The following NALCN variants were observed in gnomAD, a reference collection of about 807,000 sequenced individuals.
NALCN encodes sodium leak channel NALCN.
NALCN carries 111 observed loss-of-function variants against 225.3 expected under a neutral mutation model. The ratio of observed to expected loss-of-function variants is 0.49; its 90% CI spans 0.42 to 0.58. NALCN has a LOEUF of 0.58. Among genes scored for constraint, NALCN ranks in the 20% least tolerant of loss-of-function variants. NALCN has a pLI of 0.00. For missense variants in NALCN, 1,378 were observed against 2,202.4 expected (o/e 0.63, Z 7.49); for synonymous variants, 764 against 769.0 (o/e 0.99, Z 0.11).
chr13:101,254,013 A>G (rs932198556), intron 11 of NALCN, among the ~76,000 whole-genome samples: 2 of 152,216 alleles, frequency 1.3e-5, no homozygotes, highest in Non-Finnish European at 2.9e-5. Flanking sequence ...TAAGTTTCTG[A>G]TACAAAGAGA....
intron 17 of NALCN, among the ~76,000 whole-genome samples, chr13:101,140,538 C>A (rs2037024253): frequency 6.6e-6 from 1 of 152,172 alleles, no homozygotes; most frequent in Admixed American, 6.5e-5. Flanking sequence ...TAAGTGGTCA[C>A]AAGGACAGCC....
intron 15 of NALCN, among the ~76,000 whole-genome samples, chr13:101,170,082 C>A (rs2038642234): frequency 7.1e-6 from 1 of 141,576 alleles, no homozygotes; most frequent in South Asian, 2.3e-4. Context: ...AATGGACATG[C>A]AAATGAGAGC....
intron 6 of NALCN, among the ~76,000 whole-genome samples, chr13:101,371,174 A>T (rs1418206836): frequency 1.3e-5 from 2 of 152,190 alleles, no homozygotes; most frequent in Admixed American, 6.5e-5. Context: ...TTGGGTTGTC[A>T]CCAGTTTGGA....
intron 7 of NALCN, among the ~76,000 whole-genome samples, chr13:101,343,099 T>C (rs1228572821): frequency 6.6e-6 from 1 of 152,198 alleles, no homozygotes; most frequent in African/African-American, 2.4e-5. Context: ...GATGATCACA[T>C]GTGTCTAATA....
intron 6 of NALCN, among the ~76,000 whole-genome samples, chr13:101,357,042 T>A (rs1260368969): frequency 6.6e-6 from 1 of 152,124 alleles, no homozygotes; most frequent in East Asian, 1.9e-4. Context: ...TATCTCAAAA[T>A]AATAAGTGCT....
At chr13:101,156,394 G>C (rs1388646318) in intron 15 of NALCN, among the ~76,000 whole-genome samples, 1 of 152,006 alleles carries the variant, frequency 6.6e-6, no homozygotes, top group Non-Finnish European at 1.5e-5. Context: ...TTACTTCTAG[G>C]CTCCCTCAGC....
At chr13:101,377,889 G>A (rs954451751) in intron 4 of NALCN, among the ~76,000 whole-genome samples, 4 of 152,082 alleles carry the variant, frequency 2.6e-5, no homozygotes, top group Non-Finnish European at 5.9e-5. Context: ...GCAAAATCAT[G>A]TCTGAATGAA....
Position 101,081,530 on chromosome 13 carries a change from G to A in NALCN, c.3882C>T (p.Leu1294=). Residue 1294 remains leucine, a synonymous_variant, in exon 34 of 44, where the codon CTC becomes CTT. Transcript: ENST00000251127. ...TCAACTTGACTTCTATGCTTACCAG[G>A]AGGGCAAAGTGAAGCACCACCCATA... ...GVVWVVLHFA[L]LNAYTYMMGA... is the part of the protein sequence containing the mutation. 1.2e-6 allele frequency: 2 copies of A among 1,614,046 alleles called. No homozygotes were observed. The highest frequency in any genetic ancestry group is 1.7e-6 in the Non-Finnish European group (2 of 1,179,996).
intron 18 of NALCN, among the ~76,000 whole-genome samples, chr13:101,114,407 C>CTCTA (rs1399221922): frequency 4.6e-5 from 7 of 151,464 alleles, no homozygotes; most frequent in African/African-American, 1.7e-4. Context: ...TGTTATAACA[C>CTCTA]TCTACATAGC....
chr13:101,244,869 TG>T (rs2041847556), intron 11 of NALCN, among the ~76,000 whole-genome samples: 1 of 152,192 alleles, frequency 6.6e-6, no homozygotes, highest in African/African-American at 2.4e-5. Flanking sequence ...CTTCTCAATG[TG>T]CAGCTCCAGA....
intron 11 of NALCN, among the ~76,000 whole-genome samples, chr13:101,250,621 C>G (rs182031069): frequency 1.3e-5 from 2 of 151,964 alleles, no homozygotes; most frequent in Admixed American, 1.3e-4. Context: ...ATTGAAAAAG[C>G]ACAACTTGAA....
chr13:101,211,380 G>C (rs1257237315), intron 13 of NALCN, among the ~76,000 whole-genome samples: 1 of 151,996 alleles, frequency 6.6e-6, no homozygotes, highest in African/African-American at 2.4e-5. Flanking sequence ...TTTATTCAAG[G>C]AAAGTCATAA....
chr13:101,240,615 T>C (rs957207367), intron 11 of NALCN, among the ~76,000 whole-genome samples: 5 of 152,140 alleles, frequency 3.3e-5, no homozygotes, highest in East Asian at 3.8e-4. Context: ...GGTACAGTTA[T>C]ATAATGGTTG....
At chr13:101,291,382 T>C (rs1476853445) in intron 9 of NALCN, among the ~76,000 whole-genome samples, 1 of 152,162 alleles carries the variant, frequency 6.6e-6, no homozygotes, top group Admixed American at 6.5e-5. Context: ...ATTTGAGGAT[T>C]TGTGATGTCA....
chr13:101,146,397 A>T (rs1042772488), intron 15 of NALCN, among the ~76,000 whole-genome samples: 1 of 152,190 alleles, frequency 6.6e-6, no homozygotes, highest in Non-Finnish European at 1.5e-5. Context: ...CATGGTTATG[A>T]TGATGACAAT....
chr13:101,174,413 C>T (rs1477066848), intron 15 of NALCN, among the ~76,000 whole-genome samples: 1 of 152,114 alleles, frequency 6.6e-6, no homozygotes, highest in Non-Finnish European at 1.5e-5. Flanking sequence ...ATGACATTTA[C>T]CCAAAGTGAA....
At chr13:101,327,255 AT>A (rs2044990537) in intron 7 of NALCN, among the ~76,000 whole-genome samples, 1 of 152,162 alleles carries the variant, frequency 6.6e-6, no homozygotes, top group Non-Finnish European at 1.5e-5. Flanking sequence ...TGTTTATTGT[AT>A]TTTAACAAAT....
At chr13:101,414,673 T>A (rs9518391) in intron 1 of NALCN, among the ~76,000 whole-genome samples, 96,240 of 152,080 alleles carry the variant, frequency 0.63, 31,030 homozygotes, top group African/African-American at 0.68. Context: ...AGACTTTTTT[T>A]AAGTACATTT....
At chr13:101,262,310 C>T (rs535928972) in intron 10 of NALCN, among the ~76,000 whole-genome samples, 1 of 152,284 alleles carries the variant, frequency 6.6e-6, no homozygotes, top group South Asian at 2.1e-4. Flanking sequence ...TTCAGAGAGA[C>T]TAAGTCATTT....
Sources: allele counts gnomAD v4.1 joint callset (sites outside exome capture counted in the v4.1 genomes callset), GRCh38; gene constraint gnomAD v4.1.1; transcripts MANE v1.5; gene names NCBI Gene and HGNC (gene_info 2026-07-23, HGNC 2026-07-21).